Variants in RBFOX1 observed in about 807,000 individuals in gnomAD.
The protein encoded by RBFOX1 is RNA binding fox-1 homolog 1, also known as RNA binding protein fox-1 homolog 1.
RBFOX1 carries 8 observed loss-of-function variants against 57.7 expected under a neutral mutation model. That is an observed-to-expected ratio of 0.14 (90% CI 0.08 to 0.25). The LOEUF (loss-of-function observed/expected upper bound fraction) is 0.25. RBFOX1 is among the 10% of genes least tolerant of loss of function. The pLI is 1.00. For synonymous variants in RBFOX1, 326 were observed against 222.4 expected (o/e 1.47, Z -4.15); for missense variants, 611 against 548.5 (o/e 1.11, Z -1.14).
rs905741859 is a variant in RBFOX1, at chr16:6,768,196, C to G, written c.-16+113546C>G. Among the ~76,000 whole-genome samples, 6 of 151,922 alleles carry G rather than the reference C, an allele frequency of 3.9e-5. No individual in the cohort carries two copies. In the East Asian group the frequency reaches 1.2e-3, roughly 29 times the overall value. ...TGGGCAATAGAGCTAGACTCCATCT[C>G]AAAAAACAAAACAAGACCGAAAACA... On this transcript the variant is annotated intron_variant, in intron 3 of 15. Coordinates refer to ENST00000550418, the MANE Select transcript of RBFOX1 (RefSeq NM_018723.4).
At chr16:7,481,086 A>C (rs1021684433) in intron 4 of RBFOX1, among the ~76,000 whole-genome samples, 1 of 152,084 alleles carries the variant, frequency 6.6e-6, no homozygotes, top group African/African-American at 2.4e-5. Context: ...TGCTCCTTAC[A>C]TCTGGACAGT....
intron 1 of RBFOX1, among the ~76,000 whole-genome samples, chr16:6,315,563 GGATGGATGGATGGATAGATGGATGGA>G (rs2081003972): frequency 1.4e-5 from 1 of 71,942 alleles, no homozygotes; most frequent in South Asian, 3.8e-4. Flanking sequence ...ATGGATGGAT[GGATGGATGGATGGATAGATGGATGGA>G]TGGATAGATG....
intron 2 of RBFOX1, among the ~76,000 whole-genome samples, chr16:6,587,573 C>A (rs758660041): frequency 6.6e-6 from 1 of 152,032 alleles, no homozygotes; most frequent in Non-Finnish European, 1.5e-5. Context: ...TGAGCCACCA[C>A]GCTCAGCTGT....
intron 1 of RBFOX1, chr16:5,365,940 T>C: frequency 2.0e-6 from 1 of 494,834 alleles, no homozygotes; most frequent in South Asian, 1.5e-5. Context: ...AATGGTCAGT[T>C]TAGGGGCTGG....
chr16:6,520,969 C>A (rs905195807), intron 2 of RBFOX1, among the ~76,000 whole-genome samples: 1 of 151,600 alleles, frequency 6.6e-6, no homozygotes, highest in Non-Finnish European at 1.5e-5. Flanking sequence ...TGCTTCGCCA[C>A]TAGAGAGATG....
chr16:6,633,276 T>C (rs1407716620), intron 2 of RBFOX1, among the ~76,000 whole-genome samples: 1 of 152,084 alleles, frequency 6.6e-6, no homozygotes, highest in African/African-American at 2.4e-5. Context: ...TGAGTCTTTA[T>C]TTTTATTTTA....
chr16:7,105,550 C>T (rs933870222), intron 4 of RBFOX1, among the ~76,000 whole-genome samples: 6 of 152,052 alleles, frequency 3.9e-5, no homozygotes, highest in African/African-American at 1.4e-4. Flanking sequence ...CATAGCTTAG[C>T]TCCCACTTAC....
chr16:6,429,154 C>G (rs570901833), intron 2 of RBFOX1, among the ~76,000 whole-genome samples: 40 of 152,342 alleles, frequency 2.6e-4, no homozygotes, highest in African/African-American at 9.4e-4. Context: ...GCATTGCCAG[C>G]TGTGATTGGT....
Position 7,023,564 on chromosome 16 carries a change from T to TAAAAAAAAAAAAAAA in RBFOX1, c.-15-28477_-15-28463dup, listed in dbSNP as rs34056673. ...CAACATGGTGAAACTTCGTCTGTAC[T>TAAAAAAAAAAAAAAA]AAAAAAAAAAAAAAAAAAAAAAAAA... is the stretch of plus-strand genomic sequence containing the variant. On this transcript the variant is annotated intron_variant, in intron 3 of 15. Transcript: ENST00000550418. Among the ~76,000 whole-genome samples the TAAAAAAAAAAAAAAA allele has an allele frequency of 1.5e-3, 68 of 43,926 alleles. 5 individuals are homozygous for TAAAAAAAAAAAAAAA. The highest frequency in any genetic ancestry group is 2.2e-3 in the Non-Finnish European group (53 of 24,496). The allele number at this position is 43,926 out of a possible 152,430, so 28.8% of individuals were successfully genotyped here. A position where few individuals can be genotyped will look rare whatever the true frequency, so the allele number is the denominator to read the frequency against.
At chr16:6,714,896 A>C (rs1238301290) in intron 3 of RBFOX1, among the ~76,000 whole-genome samples, 1 of 152,164 alleles carries the variant, frequency 6.6e-6, no homozygotes, top group Non-Finnish European at 1.5e-5. Flanking sequence ...GGCACCTGGA[A>C]ATAAGGAAGC....
intron 3 of RBFOX1, among the ~76,000 whole-genome samples, chr16:6,976,426 T>C (rs1049117044): frequency 3.9e-5 from 6 of 152,126 alleles, no homozygotes. Context: ...GCATGTTTTA[T>C]ACATCTGTGG....
chr16:6,636,082 A>T (rs76668186), intron 2 of RBFOX1, among the ~76,000 whole-genome samples: 1,743 of 152,270 alleles, frequency 0.011, 29 homozygotes, highest in African/African-American at 0.04. Context: ...GCAGTCCATC[A>T]TATGGAGGTC....
intron 2 of RBFOX1, among the ~76,000 whole-genome samples, chr16:5,590,469 T>TG (rs748922117): frequency 3.0e-4 from 46 of 152,180 alleles, no homozygotes; most frequent in Non-Finnish European, 5.9e-4. Flanking sequence ...TACGAAGGGC[T>TG]GGGGGTGGTT....
rs140280561 is a variant in RBFOX1 at position 6,865,154 on chromosome 16, C to G, written c.-15-186903C>G. ...AGTAGCTGGGATTACAGGTGCCCAC[C>G]ACCACTCCTGGGTAATTTTTGTACT... On this transcript the variant is annotated intron_variant, in intron 3 of 15. Transcript: ENST00000550418. Among the ~76,000 whole-genome samples, 678 of 151,768 alleles carry G rather than the reference C, an allele frequency of 4.5e-3. 5 individuals carry two copies. Among genetic ancestry groups the G allele is most frequent in the African/African-American group, 0.016 (649 of 41,326 alleles).
In RBFOX1 at chr16:6,875,518, C is replaced by A. The variant is rs562400573; in HGVS notation, c.-15-176539C>A. Among the ~76,000 whole-genome samples, 12 of 152,208 alleles carry A rather than the reference C, an allele frequency of 7.9e-5. No individual in the cohort carries two copies. The East Asian group carries it at 1.9e-3, about 24-fold the overall frequency. The stretch of plus-strand genomic sequence containing the variant: ...GTGCAGTATACATCAATTCAGTGCT[C>A]TGGCAAAGACTATGAATTATGTTTA... On this transcript the variant is annotated intron_variant, in intron 3 of 15. Coordinates refer to ENST00000550418, the MANE Select transcript of RBFOX1 (RefSeq NM_018723.4).
rs547087236 is a variant in RBFOX1 at position 6,804,166 on chromosome 16, C to G, written c.-16+149516C>G. Among the ~76,000 whole-genome samples the G allele has an allele frequency of 2.0e-5, 3 of 152,146 alleles. No homozygotes were observed. The East Asian group carries it at 5.8e-4, about 30-fold the overall frequency. On this transcript the variant is annotated intron_variant, in intron 3 of 15. Coordinates refer to ENST00000550418, the MANE Select transcript of RBFOX1 (RefSeq NM_018723.4). ...GGGATTACAGGTGCCCGCCACCATG[C>G]CCAGCTAACTTGTTTGTATTTTTAG...
intron 1 of RBFOX1, among the ~76,000 whole-genome samples, chr16:5,339,470 G>GTTTTTTTTTTTT (rs560472298): frequency 0.011 from 433 of 40,882 alleles, 130 homozygotes; most frequent in East Asian, 0.022. Context: ...CTTTTTCCGT[G>GTTTTTTTTTTTT]TTTTTTTTTT....
intron 3 of RBFOX1, among the ~76,000 whole-genome samples, chr16:6,680,657 T>C (rs1181805561): frequency 6.6e-6 from 1 of 152,170 alleles, no homozygotes; most frequent in African/African-American, 2.4e-5. Context: ...CTTATTTTAG[T>C]TTTCCACTAT....
chr16:7,085,648 A>G (rs1230911396), intron 4 of RBFOX1, among the ~76,000 whole-genome samples: 2 of 152,214 alleles, frequency 1.3e-5, no homozygotes, highest in South Asian at 4.1e-4. Flanking sequence ...TTTTCCTATC[A>G]GAAAGGGCAC....
Sources: gnomAD v4.1 joint callset for allele counts (sites outside exome capture counted in the v4.1 genomes callset) on GRCh38, gnomAD v4.1.1 for gene constraint, MANE v1.5 for transcripts, NCBI Gene and HGNC (gene_info 2026-07-23, HGNC 2026-07-21) for gene names.